VXN: variants seen among roughly 807,000 people sequenced by gnomAD.
VXN encodes the protein vexin.
A neutral mutation model predicts 23.1 loss-of-function variants in VXN; 7 were observed. That is an observed-to-expected ratio of 0.30 (90% confidence interval 0.17 to 0.57). VXN has a LOEUF of 0.57. Among genes scored for constraint, VXN ranks in the 20% least tolerant of loss-of-function variants. The pLI, the probability that VXN is intolerant of heterozygous loss-of-function variation, is 0.91. For synonymous variants in VXN, 120 were observed against 105.8 expected (o/e 1.13, Z -0.83); for missense variants, 238 against 272.6 (o/e 0.87, Z 0.89).
At position 66,517,118 on chromosome 8, in the gene VXN, T is replaced by C. The variant is rs953660303; in HGVS notation, c.*1042T>C. On this transcript the variant is annotated 3_prime_UTR_variant, in exon 6 of 6. Coordinates refer to ENST00000305454, the MANE Select transcript of VXN (RefSeq NM_152765.4). ...CAGAAAAAGTTGACATTTTTGTAGG[T>C]CAAAAACAATTGAGCATCAATTTCA... 6.6e-6 allele frequency: 1 copy of C among 152,204 alleles called. No homozygotes were observed. The highest frequency in any genetic ancestry group is 1.5e-5 in the Non-Finnish European group (1 of 68,036). The allele number at this position is 152,204 out of a possible 1,614,324, so 9.4% of individuals were successfully genotyped here. A position where few individuals can be genotyped will look rare whatever the true frequency, so the allele number is the denominator to read the frequency against.
At chr8:66,498,344 A>G (rs1807650057) in intron 2 of VXN, among the ~76,000 whole-genome samples, 1 of 152,160 alleles carries the variant, frequency 6.6e-6, no homozygotes, top group Admixed American at 6.5e-5. Flanking sequence ...AATAAAAAAA[A>G]TAATAATAAT....
intron 4 of VXN, among the ~76,000 whole-genome samples, chr8:66,512,040 G>T (rs1163626072): frequency 1.3e-5 from 2 of 150,304 alleles, no homozygotes; most frequent in African/African-American, 4.9e-5. Context: ...ACTCCAGCCT[G>T]GGAAACAAGA....
At chr8:66,509,553 C>G (rs576840360) in intron 3 of VXN, among the ~76,000 whole-genome samples, 10 of 152,216 alleles carry the variant, frequency 6.6e-5, no homozygotes, top group African/African-American at 1.9e-4. Flanking sequence ...TCCACAGCAC[C>G]GTGTTAAATA....
intron 3 of VXN, among the ~76,000 whole-genome samples, chr8:66,508,065 G>A (rs1203538405): frequency 6.6e-6 from 1 of 152,004 alleles, no homozygotes; most frequent in African/African-American, 2.4e-5. Flanking sequence ...CTGCCTCCAG[G>A]ACTTCTTCAG....
At chr8:66,502,655 G>A (rs1413678936) in intron 2 of VXN, among the ~76,000 whole-genome samples, 1 of 152,112 alleles carries the variant, frequency 6.6e-6, no homozygotes, top group East Asian at 1.9e-4. Context: ...GCTGAGGCAG[G>A]AGAATTGCCT....
chr8:66,498,889 TC>T (rs1807657150), intron 2 of VXN: 2 of 452,500 alleles, frequency 4.4e-6, no homozygotes, highest in Non-Finnish European at 8.9e-6. Flanking sequence ...TATCAGCAAA[TC>T]CTGAGAAGCT....
At chr8:66,499,759 A>T (rs1315160551) in intron 2 of VXN, among the ~76,000 whole-genome samples, 3 of 151,986 alleles carry the variant, frequency 2.0e-5, no homozygotes, top group Admixed American at 2.0e-4. Flanking sequence ...GAGTTTCACC[A>T]TGTTGGCCAG....
chr8:66,515,809 C>T, intron 5 of VXN, 84 bp from the exon 6 acceptor site: 1 of 1,210,944 alleles, frequency 8.3e-7, no homozygotes, highest in Non-Finnish European at 1.1e-6. Context: ...GGAGAGAGAG[C>T]TCTGGCCACT....
intron 2 of VXN, among the ~76,000 whole-genome samples, chr8:66,497,316 A>G (rs1425824996): frequency 1.3e-5 from 2 of 152,238 alleles, no homozygotes; most frequent in African/African-American, 4.8e-5. Flanking sequence ...GTGTGTGACA[A>G]ACATTGTGCT....
At chr8:66,501,738 A>C (rs534570411) in intron 2 of VXN, among the ~76,000 whole-genome samples, 1 of 152,278 alleles carries the variant, frequency 6.6e-6, no homozygotes, top group African/African-American at 2.4e-5. Flanking sequence ...GACCATTCAA[A>C]TTAGAAGAGA....
At chr8:66,496,287 C>T (rs1305295030) in intron 1 of VXN, 150 bp from the exon 2 acceptor site, 2 of 675,708 alleles carry the variant, frequency 3.0e-6, no homozygotes, top group Non-Finnish European at 5.1e-6. Context: ...CAAGTAACAT[C>T]TTCAATCGCA....
chr8:66,518,001 C>T lies in VXN; in HGVS notation c.*1925C>T, dbSNP rs1249579103. On this transcript the variant is annotated 3_prime_UTR_variant, in exon 6 of 6. Transcript: ENST00000305454. ...TCTGCTCTTCAACCATTGTTTTAGA[C>T]TCTGAACACCAGATCCTCATATCTG... 6.6e-6 allele frequency: 1 copy of T among 152,248 alleles called. No individual in the cohort carries two copies. Among genetic ancestry groups the T allele is most frequent in the African/African-American group, 2.4e-5 (1 of 41,468 alleles). 9.4% of individuals were successfully genotyped at this position (152,248 alleles called of 1,614,324 possible). A position where few individuals can be genotyped will look rare whatever the true frequency, so the allele number is the denominator to read the frequency against.
At chr8:66,498,332 CAAATAAA>C (rs1305868854) in intron 2 of VXN, among the ~76,000 whole-genome samples, 1 of 151,820 alleles carries the variant, frequency 6.6e-6, no homozygotes, top group Admixed American at 6.6e-5. Context: ...GACCCTGCCT[CAAATAAA>C]AAAAATAATA....
chr8:66,508,712 T>G (rs1288524048), intron 3 of VXN, among the ~76,000 whole-genome samples: 1 of 152,200 alleles, frequency 6.6e-6, no homozygotes, highest in Non-Finnish European at 1.5e-5. Context: ...AGTTTGCTAC[T>G]CCCTAAATCA....
chr8:66,505,957 T>G (rs1226036552), intron 3 of VXN, among the ~76,000 whole-genome samples: 1 of 152,120 alleles, frequency 6.6e-6, no homozygotes, highest in Non-Finnish European at 1.5e-5. Flanking sequence ...ACCAATTTTT[T>G]TTATCTTTAA....
intron 3 of VXN, among the ~76,000 whole-genome samples, chr8:66,506,061 G>A (rs1481578061): frequency 6.6e-6 from 1 of 152,124 alleles, no homozygotes; most frequent in Non-Finnish European, 1.5e-5. Flanking sequence ...TGGGATTACA[G>A]GCATGACCCA....
At chr8:66,506,268 T>A (rs889987136) in intron 3 of VXN, among the ~76,000 whole-genome samples, 3 of 151,104 alleles carry the variant, frequency 2.0e-5, no homozygotes, top group Admixed American at 2.0e-4. Context: ...TGTGTGTGTG[T>A]GTGTAAAATT....
intron 3 of VXN, among the ~76,000 whole-genome samples, chr8:66,509,698 C>T (rs1220796884): frequency 3.3e-5 from 5 of 152,222 alleles, no homozygotes; most frequent in African/African-American, 1.2e-4. Flanking sequence ...AAATGATCCA[C>T]ATGTGTGATC....
intron 3 of VXN, 41 bp downstream of exon 3, chr8:66,505,569 C>T (rs1353519897): frequency 1.4e-6 from 2 of 1,443,390 alleles, no homozygotes. Flanking sequence ...CCTCCCTGGG[C>T]GCAGAGACCC....
Sources: allele counts gnomAD v4.1 joint callset (sites outside exome capture counted in the v4.1 genomes callset), GRCh38; gene constraint gnomAD v4.1.1; transcripts MANE v1.5; gene names NCBI Gene and HGNC (gene_info 2026-07-23, HGNC 2026-07-21).